The following PCDHA10 variants were observed in gnomAD, a reference collection of about 807,000 sequenced individuals.
PCDHA10 encodes the protein protocadherin alpha-10.
A neutral mutation model predicts 61.2 loss-of-function variants in PCDHA10; 45 were observed. That is an observed-to-expected ratio of 0.74 (90% CI 0.58 to 0.94). The LOEUF is 0.94. PCDHA10 is among the 40% of genes least tolerant of loss of function. The pLI is 0.00. For missense variants in PCDHA10, 1,278 were observed against 1,236.2 expected (o/e 1.03, Z -0.51); for synonymous variants, 602 against 548.8 (o/e 1.10, Z -1.35).
At chr5:140,874,317 A>G (rs1423586280) in intron 1 of PCDHA10, among the ~76,000 whole-genome samples, 2 of 151,836 alleles carry the variant, frequency 1.3e-5, no homozygotes, top group Admixed American at 1.3e-4. Flanking sequence ...GAGTTGTAGG[A>G]TCTTATCTGT....
rs371069140 is a variant in PCDHA10, at chr5:141,011,291, A to G, written c.*1354A>G. ...CTCTTTGGTTTAGTTTTCCTTTTCT[A>G]TAACACTCTGAATTGCTAATCTTAC... is the stretch of plus-strand genomic sequence containing the variant. On this transcript the variant is annotated 3_prime_UTR_variant, in exon 4 of 4. Coordinates refer to ENST00000307360, the MANE Select transcript of PCDHA10 (RefSeq NM_018901.4). 6 of 153,852 alleles carry G rather than the reference A, an allele frequency of 3.9e-5. No homozygotes were observed. The highest frequency in any genetic ancestry group is 8.8e-5 in the Non-Finnish European group (6 of 68,024). 9.5% of individuals were successfully genotyped at this position (153,852 alleles called of 1,614,324 possible).
chr5:140,872,444 T>C (rs2053673560), intron 1 of PCDHA10, among the ~76,000 whole-genome samples: 2 of 152,002 alleles, frequency 1.3e-5, no homozygotes, highest in Admixed American at 1.3e-4. Flanking sequence ...CTGGACAACA[T>C]AGCGAGATCC....
At chr5:140,875,413 C>T (rs2055464602) in intron 1 of PCDHA10, 2 of 1,507,300 alleles carry the variant, frequency 1.3e-6, no homozygotes, top group South Asian at 2.7e-5. Flanking sequence ...TCATAAAATA[C>T]CTCAGGCAAG....
chr5:140,954,470 G>T (rs999752135), intron 1 of PCDHA10, among the ~76,000 whole-genome samples: 2 of 152,150 alleles, frequency 1.3e-5, no homozygotes, highest in Non-Finnish European at 2.9e-5. Flanking sequence ...ATTCTGACTG[G>T]TGTGAGAAGA....
intron 1 of PCDHA10, chr5:140,876,824 A>G (rs1554168970): frequency 1.2e-6 from 2 of 1,614,116 alleles, no homozygotes; most frequent in Non-Finnish European, 1.7e-6. Context: ...GTGAACGACA[A>G]TGCGCCTGCG....
intron 3 of PCDHA10, among the ~76,000 whole-genome samples, chr5:141,000,417 A>T (rs1334137638): frequency 1.8e-3 from 141 of 77,654 alleles, no homozygotes; most frequent in African/African-American, 4.6e-3. Context: ...ATATATATAT[A>T]TATATTTTTT....
rs782226531 is a variant in PCDHA10, at chr5:140,928,688, A to G, written c.2389-50261A>G. 6 of 1,614,004 alleles carry G rather than the reference A, an allele frequency of 3.7e-6. No homozygotes were observed. The African/African-American group carries it at 4.0e-5, about 11-fold the overall frequency. The stretch of plus-strand genomic sequence containing the variant: ...GGTTCTAATGCCTGGCTTTCCTACC[A>G]CATCTCCCGGGCGTCTGACTCTAGT... On this transcript the variant is annotated intron_variant, in intron 1 of 3. Transcript: ENST00000307360.
Position 140,980,544 on chromosome 5 carries a change from C to T in PCDHA10, c.2447+1537C>T, listed in dbSNP as rs111386744. 4.0e-3 allele frequency among the ~76,000 whole-genome samples: 611 copies of T among 152,160 alleles called. 1 individual carries two copies. The highest frequency in any genetic ancestry group is 0.013 in the African/African-American group (560 of 41,516). On this transcript the variant is annotated intron_variant, in intron 2 of 3. Coordinates refer to ENST00000307360, the MANE Select transcript of PCDHA10 (RefSeq NM_018901.4). ...ACTAGGGAGGCTGAGGCAGGAGAAT[C>T]GCTTGAACCCGGGAGGCGGAAGTTG...
intron 1 of PCDHA10, chr5:140,864,329 T>C (rs1381036358): frequency 1.3e-5 from 2 of 152,196 alleles, no homozygotes; most frequent in Non-Finnish European, 2.9e-5. Flanking sequence ...ATCATAATTA[T>C]TTGAGTTTAA....
chr5:140,897,561 G>A (rs1168105225), intron 1 of PCDHA10, among the ~76,000 whole-genome samples: 1 of 151,976 alleles, frequency 6.6e-6, no homozygotes, highest in Non-Finnish European at 1.5e-5. Flanking sequence ...GTGTATATGT[G>A]CCACATTTTC....
At chr5:140,987,235 TAAAG>T (rs1182642222) in intron 3 of PCDHA10, among the ~76,000 whole-genome samples, 2 of 151,266 alleles carry the variant, frequency 1.3e-5, no homozygotes, top group African/African-American at 2.4e-5. Flanking sequence ...AAATAATAAA[TAAAG>T]AAAGAAAGAC....
chr5:140,887,045 T>C (rs2061271952), intron 1 of PCDHA10, among the ~76,000 whole-genome samples: 1 of 152,108 alleles, frequency 6.6e-6, no homozygotes, highest in Non-Finnish European at 1.5e-5. Context: ...TTTTTTATAG[T>C]GCATATGTTC....
intron 1 of PCDHA10, among the ~76,000 whole-genome samples, chr5:140,924,166 T>C (rs1409712075): frequency 6.6e-6 from 1 of 152,232 alleles, no homozygotes; most frequent in African/African-American, 2.4e-5. Flanking sequence ...TCCTAATCTC[T>C]GGCACTGAAG....
At chr5:140,917,530 T>C (rs2078244431) in intron 1 of PCDHA10, among the ~76,000 whole-genome samples, 1 of 152,262 alleles carries the variant, frequency 6.6e-6, no homozygotes, top group Admixed American at 6.5e-5. Flanking sequence ...ACGGTTTGTA[T>C]AGTTTTAGGT....
chr5:140,963,771 GA>G (rs1459827253), intron 1 of PCDHA10, among the ~76,000 whole-genome samples: 2 of 152,164 alleles, frequency 1.3e-5, no homozygotes, highest in African/African-American at 4.8e-5. Context: ...ATTTCATGAC[GA>G]CAGCAACAAC....
chr5:140,909,690 G>T (rs2074638063), intron 1 of PCDHA10, among the ~76,000 whole-genome samples: 1 of 152,280 alleles, frequency 6.6e-6, no homozygotes, highest in African/African-American at 2.4e-5. Context: ...CAATGTGGGG[G>T]TTCTGCTAGC....
In PCDHA10 at chr5:140,881,260, A is replaced by G. The variant is rs1223751140; in HGVS notation, c.2388+22824A>G. The G allele has an allele frequency of 7.6e-6, 4 of 528,232 alleles. No individual in the cohort carries two copies. In the African/African-American group the frequency reaches 8.2e-5, roughly 11 times the overall value. The allele number at this position is 528,232 out of a possible 1,614,324, so 32.7% of individuals were successfully genotyped here. On this transcript the variant is annotated intron_variant, in intron 1 of 3. Transcript: ENST00000307360. ...TTTAAATGACGGCAAGGTTTTACTC[A>G]GTGATGATGAAGTAAGATGGAGAGA... is the stretch of plus-strand genomic sequence containing the variant.
At chr5:140,884,213 G>C in intron 1 of PCDHA10, 1 of 1,613,532 alleles carries the variant, frequency 6.2e-7, no homozygotes, top group East Asian at 2.2e-5. Flanking sequence ...CCGCCTTCTG[G>C]TGCTGGTGAA....
chr5:140,890,585 A>G (rs1158719431), intron 1 of PCDHA10, among the ~76,000 whole-genome samples: 1 of 152,086 alleles, frequency 6.6e-6, no homozygotes, highest in Admixed American at 6.5e-5. Context: ...TATTATTTGG[A>G]AGCCCTTTTC....
Sources: allele counts gnomAD v4.1 joint callset (sites outside exome capture counted in the v4.1 genomes callset), GRCh38; gene constraint gnomAD v4.1.1; transcripts MANE v1.5; gene names NCBI Gene and HGNC (gene_info 2026-07-23, HGNC 2026-07-21).